Variants in FNDC3B observed in about 807,000 individuals in gnomAD.
FNDC3B encodes fibronectin type III domain containing 3B.
In FNDC3B, 12 loss-of-function variants were observed where a neutral mutation model predicts 151.5. That is an observed-to-expected ratio of 0.08 (90% CI 0.05 to 0.13). The LOEUF is 0.13. Ranked by LOEUF, FNDC3B falls within the 10% of genes least tolerant of loss-of-function variation. The pLI, the probability that FNDC3B is intolerant of heterozygous loss-of-function variation, is 1.00. For synonymous variants in FNDC3B, 528 were observed against 549.0 expected (o/e 0.96, Z 0.54); for missense variants, 1,214 against 1,505.3 (o/e 0.81, Z 3.20).
At chr3:172,390,938 G>A (rs1459098158) in intron 25 of FNDC3B, among the ~76,000 whole-genome samples, 2 of 152,158 alleles carry the variant, frequency 1.3e-5, no homozygotes, top group African/African-American at 2.4e-5. Flanking sequence ...ATACCAGAGA[G>A]TTAGCAGCGA....
intron 3 of FNDC3B, among the ~76,000 whole-genome samples, chr3:172,136,184 G>T (rs1360227996): frequency 6.6e-6 from 1 of 152,216 alleles, no homozygotes. Flanking sequence ...GCAAGGTTAA[G>T]TTCCTGTTCC....
chr3:172,183,510 A>G (rs1272520363), intron 3 of FNDC3B, among the ~76,000 whole-genome samples: 1 of 152,198 alleles, frequency 6.6e-6, no homozygotes, highest in African/African-American at 2.4e-5. Flanking sequence ...AACACAGTTA[A>G]GTTGCTTACT....
At chr3:172,108,594 G>T (rs1719798243) in intron 1 of FNDC3B, among the ~76,000 whole-genome samples, 1 of 152,208 alleles carries the variant, frequency 6.6e-6, no homozygotes, top group Admixed American at 6.5e-5. Context: ...TCACTTTTGG[G>T]TTGCTGTGAC....
intron 22 of FNDC3B, among the ~76,000 whole-genome samples, chr3:172,354,499 A>T (rs114380158): frequency 0.072 from 10,642 of 146,850 alleles, 413 homozygotes; most frequent in Middle Eastern, 0.1. Flanking sequence ...AAACAATAAA[A>T]AAAAATAATA....
intron 25 of FNDC3B, among the ~76,000 whole-genome samples, chr3:172,392,810 C>CATTTTTTT (rs1736078814): frequency 1.0e-5 from 1 of 99,874 alleles, no homozygotes. Flanking sequence ...TTTTTTTTTT[C>CATTTTTTT]TTTTTTTTTT....
Position 172,298,807 on chromosome 3 carries a change from C to A in FNDC3B, c.1061+20C>A. On this transcript the variant is annotated intron_variant, in intron 9 of 25. Transcript: ENST00000415807. ...TGTGAGGTGAGTTAGGATATAAGAG[C>A]CAAACTGTATTGGAGAATCCAGGTG... 1 of 1,580,426 alleles carries A rather than the reference C, an allele frequency of 6.3e-7. No individual in the cohort carries two copies. The highest frequency in any genetic ancestry group is 8.6e-7 in the Non-Finnish European group (1 of 1,160,376).
intron 2 of FNDC3B, among the ~76,000 whole-genome samples, chr3:172,117,620 A>G (rs1339508577): frequency 6.6e-6 from 1 of 152,234 alleles, no homozygotes; most frequent in African/African-American, 2.4e-5. Flanking sequence ...GATACTTATA[A>G]GGGTATCTGT....
intron 13 of FNDC3B, among the ~76,000 whole-genome samples, chr3:172,332,261 A>C (rs1274806374): frequency 1.3e-5 from 2 of 152,180 alleles, no homozygotes; most frequent in Non-Finnish European, 2.9e-5. Flanking sequence ...TGAGCCACCA[A>C]GCTCAGCCAG....
intron 1 of FNDC3B, among the ~76,000 whole-genome samples, chr3:172,044,320 A>G (rs1432888547): frequency 7.1e-6 from 1 of 141,820 alleles, no homozygotes; most frequent in African/African-American, 2.8e-5. Context: ...TACCCTCAGG[A>G]AAAGGCAAAT....
chr3:172,279,691 C>T (rs1729605564), intron 6 of FNDC3B, among the ~76,000 whole-genome samples: 1 of 152,144 alleles, frequency 6.6e-6, no homozygotes, highest in Non-Finnish European at 1.5e-5. Flanking sequence ...CAAGTTTATT[C>T]TTCGTGTTGT....
In FNDC3B at chr3:172,308,466, A is replaced by G. The variant is rs145122076; in HGVS notation, c.1200+965A>G. On this transcript the variant is annotated intron_variant, in intron 10 of 25. Transcript: ENST00000415807. ...TGGGGGGAGAATAGTAATGTGTGAA[A>G]GAAAGAAAATGGCTAGGAAGATCCA... Among the ~76,000 whole-genome samples, 785 of 152,360 alleles carry G rather than the reference A, an allele frequency of 5.2e-3. 5 individuals carry two copies. The highest frequency in any genetic ancestry group is 8.5e-3 in the Non-Finnish European group (578 of 68,038).
In FNDC3B at chr3:172,040,155, C is replaced by T. The variant is rs1314003311; in HGVS notation, c.-29+384C>T. ...AGATTTTGTCCGAGGAATCCGCTCC[C>T]CCTCCCGGAATCTCCGCGGCAGGAA... is the stretch of plus-strand genomic sequence containing the variant. On this transcript the variant is annotated intron_variant, in intron 1 of 25. Coordinates refer to ENST00000415807, the MANE Select transcript of FNDC3B (RefSeq NM_022763.4). The surrounding 1 kb of genome is among the most constrained non-coding windows in gnomAD (Gnocchi z 6.6). 6.6e-6 allele frequency among the ~76,000 whole-genome samples: 1 copy of T among 152,218 alleles called. No individual in the cohort carries two copies. Among genetic ancestry groups the T allele is most frequent in the African/African-American group, 2.4e-5 (1 of 41,462 alleles).
At chr3:172,342,042 A>G (rs1339741389) in intron 17 of FNDC3B, among the ~76,000 whole-genome samples, 2 of 152,230 alleles carry the variant, frequency 1.3e-5, no homozygotes, top group Admixed American at 1.3e-4. Context: ...ATGAAAGAGA[A>G]GGAGAGATGG....
rs918474928 is a variant in FNDC3B at position 172,397,257 on chromosome 3, G to A, written c.3397G>A (p.Asp1133Asn). The change falls in exon 26 of 26, where the codon GAC becomes AAC. Residue 1133 changes from aspartate (D) to asparagine (N), a missense_variant. Around this residue, in one of 7 missense-constraint regions of FNDC3B, gnomAD observed 284 missense variants for 392.4 expected, o/e 0.72. Coordinates refer to ENST00000415807, the MANE Select transcript of FNDC3B (RefSeq NM_022763.4). ...CGTATGTGCGTGTCGTCGCTGTTTA[G>A]ACACCTCTCAGGAGCTAAGCGGAGC... ...FRVCACRRCL[D>N]TSQELSGAFS... 3 of 1,614,100 alleles carry A rather than the reference G, an allele frequency of 1.9e-6. No individual in the cohort carries two copies. The highest frequency in any genetic ancestry group is 2.7e-5 in the African/African-American group (2 of 74,938).
intron 25 of FNDC3B, among the ~76,000 whole-genome samples, chr3:172,384,517 T>C (rs557364374): frequency 6.6e-6 from 1 of 152,310 alleles, no homozygotes; most frequent in Admixed American, 6.5e-5. Flanking sequence ...TTACAACATA[T>C]CATTTGACGC....
intron 4 of FNDC3B, chr3:172,237,571 TG>T (rs1403547818): frequency 6.6e-6 from 1 of 152,214 alleles, no homozygotes; most frequent in Non-Finnish European, 1.5e-5. Context: ...CACTCCAGCC[TG>T]GGCAACACAG....
chr3:172,089,719 A>G (rs1275202497), intron 1 of FNDC3B, among the ~76,000 whole-genome samples: 1 of 152,186 alleles, frequency 6.6e-6, no homozygotes, highest in Admixed American at 6.5e-5. Context: ...AGATCAAGGC[A>G]TGGAGGTTTG....
chr3:172,050,063 A>G (rs1488290697), intron 1 of FNDC3B, among the ~76,000 whole-genome samples: 1 of 152,016 alleles, frequency 6.6e-6, no homozygotes, highest in East Asian at 1.9e-4. Context: ...ATGATTGCAT[A>G]GTAGGTTCTG....
intron 6 of FNDC3B, among the ~76,000 whole-genome samples, chr3:172,257,530 T>C: frequency 6.6e-6 from 1 of 151,298 alleles, no homozygotes; most frequent in Non-Finnish European, 1.5e-5. Flanking sequence ...CAGTTTTAAA[T>C]ACAGTATCCC....
Sources: allele counts gnomAD v4.1 joint callset (sites outside exome capture counted in the v4.1 genomes callset), GRCh38; gene constraint gnomAD v4.1.1; regional missense constraint gnomAD v4.1.1; non-coding constraint Gnocchi (gnomAD v3.1); transcripts MANE v1.5; gene names NCBI Gene and HGNC (gene_info 2026-07-23, HGNC 2026-07-21).